Variants in FBXW8 observed in about 807,000 individuals in gnomAD.
FBXW8 encodes the protein F-box and WD repeat domain containing 8.
A neutral mutation model predicts 65.3 loss-of-function variants in FBXW8; 57 were observed. The ratio of observed to expected loss-of-function variants is 0.87; its 90% confidence interval spans 0.71 to 1.09. The LOEUF (loss-of-function observed/expected upper bound fraction) is 1.09, where lower values mean the gene tolerates loss of function less well. FBXW8 is among the 50% of genes least tolerant of loss of function. FBXW8 has a pLI of 0.00. For missense variants in FBXW8, 777 were observed against 814.8 expected (o/e 0.95, Z 0.57); for synonymous variants, 308 against 330.2 (o/e 0.93, Z 0.73).
intron 1 of FBXW8, among the ~76,000 whole-genome samples, chr12:116,919,598 G>A (rs1232885044): frequency 1.3e-5 from 2 of 152,050 alleles, no homozygotes; most frequent in Non-Finnish European, 2.9e-5. Context: ...CTTAGCTTCC[G>A]CCTCTTGTGA....
At chr12:116,932,967 C>G (rs780581517) in intron 2 of FBXW8, among the ~76,000 whole-genome samples, 1 of 151,868 alleles carries the variant, frequency 6.6e-6, no homozygotes, top group Non-Finnish European at 1.5e-5. Context: ...TTTTTTGATG[C>G]GGAGTGTGTG....
intron 6 of FBXW8, among the ~76,000 whole-genome samples, chr12:116,987,980 G>A (rs1190802128): frequency 6.6e-6 from 1 of 152,206 alleles, no homozygotes; most frequent in African/African-American, 2.4e-5. Flanking sequence ...TACCCGCTAA[G>A]CTTATCTGGG....
intron 1 of FBXW8, among the ~76,000 whole-genome samples, chr12:116,915,121 T>C (rs1026669213): frequency 6.6e-6 from 1 of 152,188 alleles, no homozygotes; most frequent in Non-Finnish European, 1.5e-5. Flanking sequence ...TGATAAATGA[T>C]GACAAGGTTT....
At chr12:117,026,753 T>A (rs1954242190) in intron 9 of FBXW8, among the ~76,000 whole-genome samples, 1 of 152,252 alleles carries the variant, frequency 6.6e-6, no homozygotes, top group Non-Finnish European at 1.5e-5. Context: ...GGGCTCTCCC[T>A]GGGCCAGGCA....
rs1164067837 is a variant in FBXW8, at chr12:116,945,519, C to T, written c.579C>T (p.Thr193=). The T allele has an allele frequency of 6.2e-7, 1 of 1,613,438 alleles. No homozygotes were observed. The highest frequency in any genetic ancestry group is 8.5e-7 in the Non-Finnish European group (1 of 1,179,706). ...GAGCCAAGGAACACATGTTACGAAC[C>T]AACTGGAAGGTGGGCAGTGGCCAAT... is the stretch of plus-strand genomic sequence containing the variant. ...ECRAKEHMLR[T]NWKNRKGAVS... The change falls in exon 3 of 11, where the codon ACC becomes ACT. Residue 193 remains threonine, a synonymous_variant. Transcript: ENST00000652555.
At chr12:116,943,692 C>T (rs1427322914) in intron 2 of FBXW8, among the ~76,000 whole-genome samples, 1 of 152,224 alleles carries the variant, frequency 6.6e-6, no homozygotes, top group Non-Finnish European at 1.5e-5. Flanking sequence ...TGGGCACACA[C>T]ATAGCCCTAT....
chr12:116,946,066 T>A (rs1194390862), intron 3 of FBXW8, among the ~76,000 whole-genome samples: 1 of 152,204 alleles, frequency 6.6e-6, no homozygotes, highest in Non-Finnish European at 1.5e-5. Flanking sequence ...GTGAAGTGTT[T>A]CCATAGGAGA....
At chr12:116,942,560 G>A (rs557833793) in intron 2 of FBXW8, among the ~76,000 whole-genome samples, 12 of 151,338 alleles carry the variant, frequency 7.9e-5, no homozygotes, top group Non-Finnish European at 2.9e-5. Context: ...ATTTTTAGTC[G>A]AGATGGGGTT....
At chr12:116,966,612 G>A (rs1161658334) in intron 5 of FBXW8, among the ~76,000 whole-genome samples, 1 of 152,186 alleles carries the variant, frequency 6.6e-6, no homozygotes, top group African/African-American at 2.4e-5. Context: ...GAGGTGATGT[G>A]CAGGGGTGCT....
chr12:116,958,958 TC>T (rs1341326798), intron 4 of FBXW8, among the ~76,000 whole-genome samples: 2 of 152,212 alleles, frequency 1.3e-5, no homozygotes, highest in Admixed American at 1.3e-4. Context: ...CATTTGCTGT[TC>T]CTGGCCTGAA....
intron 6 of FBXW8, chr12:116,986,702 T>C (rs976636243): frequency 2.0e-5 from 3 of 152,058 alleles, no homozygotes; most frequent in Admixed American, 6.5e-5. Context: ...CCCAGATACT[T>C]ACTTAAGATG....
chr12:117,021,623 T>A (rs1395362948), intron 8 of FBXW8, among the ~76,000 whole-genome samples: 1 of 151,982 alleles, frequency 6.6e-6, no homozygotes, highest in African/African-American at 2.4e-5. Context: ...ATGGGACATT[T>A]TCTTTGATTC....
chr12:116,912,451 C>CTTTTTTTT (rs34430069), intron 1 of FBXW8, among the ~76,000 whole-genome samples: 3 of 86,482 alleles, frequency 3.5e-5, no homozygotes, highest in African/African-American at 1.2e-4. Flanking sequence ...GAGAATCATT[C>CTTTTTTTT]TTTTTTTTTT....
chr12:117,000,915 C>T (rs1000024428), intron 7 of FBXW8, among the ~76,000 whole-genome samples: 7 of 152,228 alleles, frequency 4.6e-5, no homozygotes, highest in Non-Finnish European at 7.3e-5. Flanking sequence ...AGGAATGACA[C>T]GAGCTGCGCT....
rs141516778 is a variant in FBXW8 at position 117,009,214 on chromosome 12, A to C, written c.1240-1109A>C. 4.9e-3 allele frequency among the ~76,000 whole-genome samples: 753 copies of C among 152,288 alleles called. 13 individuals are homozygous for C. The highest frequency in any genetic ancestry group is 0.017 in the African/African-American group (710 of 41,554). The stretch of plus-strand genomic sequence containing the variant: ...TAGTGAGACCGCTTCTCTACTTAAA[A>C]AATTTTTTAAAAAAGAAAGAAAGAT... On this transcript the variant is annotated intron_variant, in intron 7 of 10. Transcript: ENST00000652555.
intron 8 of FBXW8, among the ~76,000 whole-genome samples, chr12:117,021,024 TTTGG>T (rs1377339503): frequency 7.9e-5 from 12 of 152,178 alleles, no homozygotes; most frequent in African/African-American, 2.9e-4. Flanking sequence ...GCATGTGGTA[TTTGG>T]TTGGATATTG....
At chr12:116,940,021 C>T (rs1456194658) in intron 2 of FBXW8, among the ~76,000 whole-genome samples, 3 of 152,228 alleles carry the variant, frequency 2.0e-5, no homozygotes, top group African/African-American at 7.2e-5. Flanking sequence ...ATTGCTGAGT[C>T]GTTATCCCGT....
At chr12:117,026,506 C>A (rs1019730318) in intron 9 of FBXW8, among the ~76,000 whole-genome samples, 2 of 151,468 alleles carry the variant, frequency 1.3e-5, no homozygotes, top group African/African-American at 4.9e-5. Flanking sequence ...GAGGCAGGGA[C>A]TGCTTCCCAG....
intron 8 of FBXW8, among the ~76,000 whole-genome samples, chr12:117,014,291 T>A (rs1408032807): frequency 1.3e-5 from 2 of 152,232 alleles, no homozygotes; most frequent in African/African-American, 4.8e-5. Flanking sequence ...TCTTTTTTTA[T>A]ATATAGTTTC....
Sources: allele counts gnomAD v4.1 joint callset (sites outside exome capture counted in the v4.1 genomes callset), GRCh38; gene constraint gnomAD v4.1.1; transcripts MANE v1.5; gene names NCBI Gene and HGNC (gene_info 2026-07-23, HGNC 2026-07-21).